The following RIC1 variants were observed in gnomAD, a reference collection of about 807,000 sequenced individuals.
RIC1 encodes RIC1 partner of RAB6A GEF complex.
RIC1 carries 88 observed loss-of-function variants against 169.0 expected under a neutral mutation model. The ratio of observed to expected loss-of-function variants is 0.52; its 90% CI spans 0.44 to 0.62. RIC1 has a LOEUF of 0.62. Ranked by LOEUF, RIC1 falls within the 20% of genes least tolerant of loss-of-function variation. The probability of loss-of-function intolerance (pLI) is 0.00; values close to 1 mark genes in which losing one functional copy is unlikely to be tolerated. For missense variants in RIC1, 1,877 were observed against 1,725.5 expected, an observed-to-expected ratio of 1.09 and a Z score of -1.56; for synonymous variants, 790 against 601.5, an observed-to-expected ratio of 1.31 and a Z score of -4.59.
At chr9:5,689,197 T>G (rs7033010) in intron 2 of RIC1, among the ~76,000 whole-genome samples, 1 of 151,812 alleles carries the variant, frequency 6.6e-6, no homozygotes, top group Non-Finnish European at 1.5e-5. Flanking sequence ...TACAGGCGCC[T>G]GCCACCACGC....
chr9:5,745,265 CCCCTG>C (rs1315559439), intron 10 of RIC1, among the ~76,000 whole-genome samples: 17 of 152,272 alleles, frequency 1.1e-4, no homozygotes, highest in African/African-American at 4.1e-4. Flanking sequence ...TCATGGGCTA[CCCCTG>C]CCCCTTCACC....
intron 4 of RIC1, 105 bp downstream of exon 4, chr9:5,714,108 G>T: frequency 1.5e-6 from 1 of 665,022 alleles, no homozygotes; most frequent in Non-Finnish European, 2.5e-6. Flanking sequence ...TTTAATTCAA[G>T]ATAACTTCTT....
intron 1 of RIC1, among the ~76,000 whole-genome samples, chr9:5,637,993 A>G (rs1167643780): frequency 3.3e-5 from 5 of 152,124 alleles, no homozygotes; most frequent in Non-Finnish European, 7.3e-5. Flanking sequence ...TCTGTTATAT[A>G]TGGCTTTTAT....
chr9:5,776,671 ATATT>A (rs1285840798), downstream of RIC1: 1 of 152,006 alleles, frequency 6.6e-6, no homozygotes, highest in African/African-American at 2.4e-5. Context: ...TTTATTTAAA[ATATT>A]TATTTATATG....
At chr9:5,758,039 A>C (rs1359539411) in intron 17 of RIC1, among the ~76,000 whole-genome samples, 1 of 152,216 alleles carries the variant, frequency 6.6e-6, no homozygotes, top group Admixed American at 6.5e-5. Context: ...AAGTAAGACA[A>C]AACTACTGTA....
intron 23 of RIC1, among the ~76,000 whole-genome samples, chr9:5,771,611 C>G (rs1827227531): frequency 6.6e-6 from 1 of 152,118 alleles, no homozygotes. Flanking sequence ...TTTCCCATAG[C>G]AACTGCACCA....
intron 6 of RIC1, among the ~76,000 whole-genome samples, chr9:5,726,688 G>T (rs1188523950): frequency 6.6e-6 from 1 of 152,284 alleles, no homozygotes. Flanking sequence ...GCAGTGGCTG[G>T]TACCAGTTGT....
chr9:5,671,339 A>G (rs141587015), intron 2 of RIC1, among the ~76,000 whole-genome samples: 93 of 151,286 alleles, frequency 6.1e-4, no homozygotes, highest in African/African-American at 2.2e-3. Context: ...GCGCAGCGCA[A>G]TCTCTGCTCA....
chr9:5,688,767 A>G (rs1821410608), intron 2 of RIC1, among the ~76,000 whole-genome samples: 1 of 152,186 alleles, frequency 6.6e-6, no homozygotes, highest in Non-Finnish European at 1.5e-5. Context: ...AAGTAATTTG[A>G]AACCTTGGAT....
intron 1 of RIC1, among the ~76,000 whole-genome samples, chr9:5,644,846 A>G (rs1363953236): frequency 7.4e-6 from 1 of 135,352 alleles, no homozygotes; most frequent in African/African-American, 2.5e-5. Flanking sequence ...ACTTTGTTCC[A>G]AAGTGACTGT....
chr9:5,723,640 A>G (rs937764461), intron 6 of RIC1, among the ~76,000 whole-genome samples: 15 of 152,322 alleles, frequency 9.8e-5, no homozygotes, highest in Admixed American at 2.0e-4. Flanking sequence ...GCCCATGCCT[A>G]TGGCCTGAAT....
chr9:5,706,899 T>C (rs1822624737), intron 3 of RIC1, among the ~76,000 whole-genome samples: 1 of 152,168 alleles, frequency 6.6e-6, no homozygotes, highest in Non-Finnish European at 1.5e-5. Context: ...TTTTCTCTGT[T>C]TTTCTATTCT....
chr9:5,717,112 C>T (rs1006804132), intron 4 of RIC1, among the ~76,000 whole-genome samples: 2 of 152,114 alleles, frequency 1.3e-5, no homozygotes, highest in Non-Finnish European at 2.9e-5. Flanking sequence ...ATCTATAAGT[C>T]TATTTATATT....
intron 2 of RIC1, among the ~76,000 whole-genome samples, chr9:5,682,631 T>G (rs1336843275): frequency 6.6e-6 from 1 of 152,204 alleles, no homozygotes; most frequent in African/African-American, 2.4e-5. Flanking sequence ...CTGACAATTA[T>G]GTGTCTTGGA....
chr9:5,695,348 G>A (rs1170419329), intron 3 of RIC1, among the ~76,000 whole-genome samples: 1 of 152,100 alleles, frequency 6.6e-6, no homozygotes, highest in Non-Finnish European at 1.5e-5. Context: ...TTAGGTAACT[G>A]AATCCTGGGA....
chr9:5,650,899 G>C (rs889992719), intron 1 of RIC1, among the ~76,000 whole-genome samples: 1 of 152,172 alleles, frequency 6.6e-6, no homozygotes, highest in African/African-American at 2.4e-5. Flanking sequence ...TAGGCCCCCA[G>C]GTGGATGCAG....
intron 1 of RIC1, among the ~76,000 whole-genome samples, chr9:5,649,399 T>C (rs573803601): frequency 7.2e-4 from 110 of 152,282 alleles, no homozygotes; most frequent in African/African-American, 2.6e-3. Flanking sequence ...TATTTATTCT[T>C]GTTTTGTTTT....
chr9:5,743,904 T>C (rs958032969), intron 10 of RIC1, among the ~76,000 whole-genome samples, 167 bp downstream of exon 10: 11 of 152,090 alleles, frequency 7.2e-5, no homozygotes, highest in Admixed American at 2.0e-4. Flanking sequence ...CTCTAAGCGA[T>C]CCTCCTGCCT....
At chr9:5,665,306 T>A (rs1482749328) in intron 2 of RIC1, among the ~76,000 whole-genome samples, 2 of 152,200 alleles carry the variant, frequency 1.3e-5, no homozygotes, top group Non-Finnish European at 2.9e-5. Context: ...GGAGTCTAAG[T>A]CTCTTTGAAG....
Sources: allele counts gnomAD v4.1 joint callset (sites outside exome capture counted in the v4.1 genomes callset), GRCh38; gene constraint gnomAD v4.1.1; transcripts MANE v1.5; gene names NCBI Gene and HGNC (gene_info 2026-07-23, HGNC 2026-07-21).